TTBK2: variants seen among roughly 807,000 people sequenced by gnomAD.
TTBK2 encodes tau tubulin kinase 2.
A neutral mutation model predicts 110.8 loss-of-function variants in TTBK2; 28 were observed. The observed-to-expected ratio is 0.25, with a 90% CI of 0.19 to 0.35. TTBK2 has a LOEUF of 0.35. TTBK2 is among the 10% of genes least tolerant of loss of function. The pLI, the probability that TTBK2 is intolerant of heterozygous loss-of-function variation, is 1.00. For missense variants in TTBK2, 1,369 were observed against 1,500.3 expected (o/e 0.91, Z 1.45); for synonymous variants, 532 against 527.3 (o/e 1.01, Z -0.12).
chr15:42,804,583 G>A (rs145190766), intron 9 of TTBK2, among the ~76,000 whole-genome samples: 1 of 152,134 alleles, frequency 6.6e-6, no homozygotes, highest in Non-Finnish European at 1.5e-5. Flanking sequence ...TAAGTATGGT[G>A]CTATTTCTAC....
At chr15:42,910,947 A>G (rs1285900587) in intron 1 of TTBK2, among the ~76,000 whole-genome samples, 1 of 151,854 alleles carries the variant, frequency 6.6e-6, no homozygotes, top group African/African-American at 2.4e-5. Flanking sequence ...GGGAGGCTGA[A>G]ACAGGAGAAT....
At position 42,759,640 on chromosome 15, in the gene TTBK2, G is replaced by C. The variant is rs560547259; in HGVS notation, c.1999-6393C>G. ...ACAAACTCTCACCTTAGGCCACAGAGACACTTGCAAACATCACCAGCATGG... is the reference window on the plus strand; with the variant it reads ...ACAAACTCTCACCTTAGGCCACAGACACACTTGCAAACATCACCAGCATGG... On this transcript the variant is annotated intron_variant, in intron 13 of 14. Transcript: ENST00000267890. 7.2e-5 allele frequency among the ~76,000 whole-genome samples: 11 copies of C among 152,342 alleles called. No individual in the cohort carries two copies. In the South Asian group the frequency reaches 2.1e-3, roughly 29 times the overall value.
At chr15:42,797,854 C>G (rs1891012895) in intron 9 of TTBK2, among the ~76,000 whole-genome samples, 1 of 151,906 alleles carries the variant, frequency 6.6e-6, no homozygotes, top group African/African-American at 2.4e-5. Context: ...GAATAGTCCT[C>G]ATGCCTTTTT....
chr15:42,787,149 T>C (rs1890447109), intron 10 of TTBK2, among the ~76,000 whole-genome samples: 2 of 152,158 alleles, frequency 1.3e-5, no homozygotes, highest in South Asian at 4.1e-4. Flanking sequence ...AATAGACTTA[T>C]TGGAACACAG....
intron 6 of TTBK2, among the ~76,000 whole-genome samples, chr15:42,819,223 C>T (rs1892183155): frequency 6.6e-6 from 1 of 151,646 alleles, no homozygotes; most frequent in South Asian, 2.1e-4. Context: ...TAACCCAGCA[C>T]TTTGGGAGGC....
intron 6 of TTBK2, 81 bp from the exon 7 acceptor site, chr15:42,817,178 G>C (rs1479672740): frequency 9.1e-7 from 1 of 1,101,212 alleles, no homozygotes; most frequent in African/African-American, 1.6e-5. Context: ...GAAGTAAATG[G>C]AAGAAACACG....
At chr15:42,809,296 A>T (rs1321411249) in intron 9 of TTBK2, among the ~76,000 whole-genome samples, 2 of 152,240 alleles carry the variant, frequency 1.3e-5, no homozygotes, top group African/African-American at 4.8e-5. Flanking sequence ...GTGATAGAAA[A>T]GCCCTTAGGA....
In TTBK2 at chr15:42,752,601, T is replaced by C. The variant is rs920298246; in HGVS notation, c.2645A>G (p.Asp882Gly). 14 of 1,614,082 alleles carry C rather than the reference T, an allele frequency of 8.7e-6. No homozygotes were observed. In the African/African-American group the frequency reaches 9.3e-5, roughly 11 times the overall value. The change falls in exon 14 of 15, where the codon GAT becomes GGT. Residue 882 changes from aspartate to glycine, a missense_variant. By Grantham distance (94) the Asp-to-Gly change is moderately conservative. Coordinates refer to ENST00000267890, the MANE Select transcript of TTBK2 (RefSeq NM_173500.4). ...TGGCAAGTCTTCACTCATGATGTCA[T>C]CATCCTTAGATATCTTATTTTTTTG... ...EMQKNKISKD[D>G]DIMSEDLPGH...
intron 4 of TTBK2, among the ~76,000 whole-genome samples, 171 bp from the exon 5 acceptor site, chr15:42,830,249 G>A (rs1595959256): frequency 6.6e-6 from 1 of 151,458 alleles, no homozygotes; most frequent in Non-Finnish European, 1.5e-5. Flanking sequence ...GTGCAATGGT[G>A]CGATGTCGGC....
chr15:42,847,802 G>A (rs1169672684), intron 3 of TTBK2, among the ~76,000 whole-genome samples: 1 of 152,142 alleles, frequency 6.6e-6, no homozygotes, highest in Non-Finnish European at 1.5e-5. Context: ...CAATACCACA[G>A]TCTTGATTAT....
chr15:42,746,025 A>G lies in TTBK2; in HGVS notation c.3505T>C (p.Ser1169Pro). The G allele has an allele frequency of 3.1e-6, 5 of 1,614,012 alleles. No homozygotes were observed. The South Asian group carries it at 5.5e-5, about 18-fold the overall frequency. The part of the protein sequence containing the change: ...SLPRTSSSSP[S>P]RAGRPHHDQR... ...TCATGGTGGGGCCGTCCAGCCCTAG[A>G]TGGTGAGGAACTAGACGTGCGAGGC... The change falls in exon 15 of 15, where the codon TCT becomes CCT. Residue 1169 changes from serine to proline, a missense_variant. By Grantham distance (74) the Ser-to-Pro change is moderately conservative. Around this residue, in one of 4 missense-constraint regions of TTBK2, gnomAD observed 1,097 missense variants for 1,114.7 expected, o/e 0.98. Transcript: ENST00000267890.
chr15:42,789,321 T>A (rs1159165088), intron 10 of TTBK2, among the ~76,000 whole-genome samples: 1 of 140,050 alleles, frequency 7.1e-6, no homozygotes, highest in African/African-American at 2.6e-5. Context: ...ATATATATGT[T>A]TTTTGTTCAC....
chr15:42,789,303 G>GTATATA lies in TTBK2; in HGVS notation c.980+5335_980+5340dup, dbSNP rs3036915. On this transcript the variant is annotated intron_variant, in intron 10 of 14. Transcript: ENST00000267890. Reference sequence around the variant, plus strand: ...TTAAAATATATATACGTGTGTGTGTGTATATATATATATATGTTTTTTGTT... The same window carrying GTATATA: ...TTAAAATATATATACGTGTGTGTGTGTATATATATATATATATATATGTTTTTTGTT... Among the ~76,000 whole-genome samples the GTATATA allele has an allele frequency of 5.5e-3, 822 of 149,832 alleles. 6 individuals carry two copies. Among genetic ancestry groups the GTATATA allele is most frequent in the African/African-American group, 0.019 (771 of 41,002 alleles).
At chr15:42,911,635 C>CA (rs1172408192) in intron 1 of TTBK2, among the ~76,000 whole-genome samples, 1 of 152,176 alleles carries the variant, frequency 6.6e-6, no homozygotes, top group African/African-American at 2.4e-5. Context: ...CCAACTGCCT[C>CA]ATATAAATGA....
intron 3 of TTBK2, among the ~76,000 whole-genome samples, chr15:42,842,985 C>A (rs951439617): frequency 6.6e-6 from 1 of 152,140 alleles, no homozygotes; most frequent in Admixed American, 6.5e-5. Context: ...TTACTCTTGT[C>A]CTCCAGCTTC....
At chr15:42,778,965 CCA>C (rs900920903) in intron 11 of TTBK2, among the ~76,000 whole-genome samples, 3 of 151,900 alleles carry the variant, frequency 2.0e-5, no homozygotes, top group African/African-American at 7.3e-5. Flanking sequence ...ACGCAGAACA[CCA>C]CAGACAAGAA....
chr15:42,802,326 A>G (rs1288012418), intron 9 of TTBK2: 2 of 772,580 alleles, frequency 2.6e-6, no homozygotes, highest in Non-Finnish European at 4.7e-6. Context: ...CACCAGGCCC[A>G]CTCGTGTAGG....
intron 13 of TTBK2, among the ~76,000 whole-genome samples, chr15:42,773,294 G>A (rs773699349): frequency 2.6e-5 from 4 of 151,916 alleles, no homozygotes; most frequent in Admixed American, 1.3e-4. Context: ...AAAATTAGCC[G>A]GGCTTGGTGG....
chr15:42,823,803 T>C (rs920725421), intron 6 of TTBK2, among the ~76,000 whole-genome samples: 8 of 152,044 alleles, frequency 5.3e-5, no homozygotes, highest in Non-Finnish European at 1.0e-4. Flanking sequence ...AGACAATTCT[T>C]CTTCTTCCAA....
Sources: allele counts gnomAD v4.1 joint callset (sites outside exome capture counted in the v4.1 genomes callset), GRCh38; gene constraint gnomAD v4.1.1; regional missense constraint gnomAD v4.1.1; transcripts MANE v1.5; gene names NCBI Gene and HGNC (gene_info 2026-07-23, HGNC 2026-07-21).